FRMPD4: variants seen among roughly 807,000 people sequenced by gnomAD.
The protein encoded by FRMPD4 is FERM and PDZ domain-containing protein 4.
FRMPD4 carries 22 observed loss-of-function variants against 94.1 expected under a neutral mutation model. The observed-to-expected ratio is 0.23, with a 90% CI of 0.17 to 0.33. The LOEUF is 0.33. FRMPD4 is among the 10% of genes least tolerant of loss of function. The probability of loss-of-function intolerance (pLI) is 1.00; values close to 1 mark genes in which losing one functional copy is unlikely to be tolerated. For missense variants in FRMPD4, 1,111 were observed against 1,339.9 expected, an observed-to-expected ratio of 0.83 and a Z score of 2.67; for synonymous variants, 631 against 548.6, an observed-to-expected ratio of 1.15 and a Z score of -2.10.
intron 1 of FRMPD4, among the ~76,000 whole-genome samples, chrX:11,833,502 T>G (rs1461981536): frequency 8.9e-6 from 1 of 111,947 alleles, no homozygotes; most frequent in Non-Finnish European, 1.9e-5. Flanking sequence ...TCGTCACCAG[T>G]ATTTGATTTT....
At chrX:12,145,073 T>C (rs2055745023) in intron 1 of FRMPD4, among the ~76,000 whole-genome samples, 1 of 111,681 alleles carries the variant, frequency 9.0e-6, no homozygotes, top group Non-Finnish European at 1.9e-5. Context: ...TTTATAGGCT[T>C]CACAAGTTTT....
chrX:11,874,809 T>C (rs1040662207), intron 2 of FRMPD4, among the ~76,000 whole-genome samples: 6 of 111,593 alleles, frequency 5.4e-5, no homozygotes, highest in African/African-American at 2.0e-4. Context: ...TGAGGAAAGA[T>C]TGGTTTTGGT....
intron 3 of FRMPD4, among the ~76,000 whole-genome samples, chrX:11,972,664 G>A (rs929713345): frequency 1.8e-5 from 2 of 112,203 alleles, no homozygotes; most frequent in Non-Finnish European, 3.8e-5. Flanking sequence ...TTCCTCATCT[G>A]ACAAATGGGT....
At chrX:12,544,125 T>G (rs2058448960) in intron 2 of FRMPD4, among the ~76,000 whole-genome samples, 1 of 106,815 alleles carries the variant, frequency 9.4e-6, no homozygotes, top group African/African-American at 3.4e-5. Flanking sequence ...TTAGGAGATA[T>G]ACCTAATGTA....
intron 3 of FRMPD4, among the ~76,000 whole-genome samples, chrX:12,092,848 C>T (rs2055166019): frequency 9.0e-6 from 1 of 111,682 alleles, no homozygotes; most frequent in Admixed American, 9.5e-5. Context: ...TGGAAAGTAA[C>T]ATGCACTCTG....
intron 1 of FRMPD4, among the ~76,000 whole-genome samples, chrX:12,384,496 C>T (rs751681930): frequency 1.1e-4 from 12 of 110,650 alleles, no homozygotes; most frequent in East Asian, 2.8e-4. Context: ...CCAACCTGAG[C>T]GACAGAGCAA....
intron 1 of FRMPD4, among the ~76,000 whole-genome samples, chrX:12,426,885 T>TG (rs2056951956): frequency 1.9e-5 from 1 of 53,445 alleles, no homozygotes; most frequent in African/African-American, 5.2e-5. Context: ...AGTTTTTTTT[T>TG]GTTTTTTTTT....
At chrX:12,357,223 A>T (rs2055908176) in intron 1 of FRMPD4, among the ~76,000 whole-genome samples, 1 of 112,004 alleles carries the variant, frequency 8.9e-6, no homozygotes, top group African/African-American at 3.2e-5. Context: ...CATTGGCACA[A>T]ATTATTAATA....
rs189126108 is a variant in FRMPD4 at position 12,507,456 on chromosome X, C to T, written c.158+8660C>T. The stretch of plus-strand genomic sequence containing the variant: ...TTATTTACAAAAACAGACTGGGGGC[C>T]GGATGTGACCCATGAGCTATATAGT... On this transcript the variant is annotated intron_variant, in intron 2 of 16. Coordinates refer to ENST00000675598, the MANE Select transcript of FRMPD4 (RefSeq NM_001368397.1). 2.8e-3 allele frequency among the ~76,000 whole-genome samples: 314 copies of T among 111,924 alleles called. 2 individuals are homozygous for T. The highest frequency in any genetic ancestry group is 9.7e-3 in the African/African-American group (298 of 30,836).
intron 3 of FRMPD4, among the ~76,000 whole-genome samples, chrX:12,027,532 C>T (rs2054667497): frequency 9.0e-6 from 1 of 111,341 alleles, no homozygotes; most frequent in African/African-American, 3.3e-5. Context: ...TCAGGGAAGT[C>T]AATACTCATT....
chrX:11,856,141 G>C (rs1467744583), intron 1 of FRMPD4, among the ~76,000 whole-genome samples: 1 of 111,373 alleles, frequency 9.0e-6, no homozygotes, highest in Non-Finnish European at 1.9e-5. Context: ...GATCTCATGA[G>C]AACTAATTAT....
At chrX:12,524,167 A>G (rs996493439) in intron 2 of FRMPD4, among the ~76,000 whole-genome samples, 2 of 110,065 alleles carry the variant, frequency 1.8e-5, no homozygotes, top group Non-Finnish European at 3.8e-5. Flanking sequence ...TAATAACAAA[A>G]GAAAAAAAAG....
At chrX:12,367,652 C>G (rs1182231867) in intron 1 of FRMPD4, among the ~76,000 whole-genome samples, 1 of 110,785 alleles carries the variant, frequency 9.0e-6, no homozygotes, top group African/African-American at 3.3e-5. Context: ...TGGCAATAAC[C>G]ATGAGGGAAA....
chrX:12,412,953 AAATAAT>A (rs2056753170), intron 1 of FRMPD4, among the ~76,000 whole-genome samples: 1 of 110,402 alleles, frequency 9.1e-6, no homozygotes, highest in Admixed American at 9.6e-5. Flanking sequence ...TGGGTAGTAA[AAATAAT>A]AATACTGATA....
intron 4 of FRMPD4, among the ~76,000 whole-genome samples, chrX:12,668,842 T>C (rs1230309143): frequency 9.0e-6 from 1 of 110,873 alleles, no homozygotes; most frequent in Non-Finnish European, 1.9e-5. Flanking sequence ...TGACCTCAGG[T>C]GATCCACCCG....
At chrX:12,026,540 T>C (rs184621273) in intron 3 of FRMPD4, among the ~76,000 whole-genome samples, 17 of 112,495 alleles carry the variant, frequency 1.5e-4, no homozygotes, top group African/African-American at 5.2e-4. Context: ...TGAGGATCTT[T>C]CTTGATCCCA....
At chrX:12,716,001 T>TGGGGGCCCCCCCC in intron 14 of FRMPD4, 68 bp from the exon 15 acceptor site, 1 of 231,656 alleles carries the variant, frequency 4.3e-6, no homozygotes, top group Admixed American at 5.0e-5. Context: ...GAGACGAGCC[T>TGGGGGCCCCCCCC]CCCACCCCCG....
At chrX:11,959,778 T>A (rs753732339) in intron 3 of FRMPD4, among the ~76,000 whole-genome samples, 1 of 111,681 alleles carries the variant, frequency 9.0e-6, no homozygotes, top group East Asian at 2.8e-4. Context: ...TGTCAGCTTC[T>A]CAGGTTTCTC....
intron 2 of FRMPD4, among the ~76,000 whole-genome samples, chrX:12,539,763 A>G (rs1455875079): frequency 9.1e-6 from 1 of 110,441 alleles, no homozygotes; most frequent in East Asian, 2.8e-4. Flanking sequence ...CCTCCCTAGT[A>G]GCTGCGACTA....
Sources: gnomAD v4.1 joint callset for allele counts (sites outside exome capture counted in the v4.1 genomes callset) on GRCh38, gnomAD v4.1.1 for gene constraint, MANE v1.5 for transcripts, NCBI Gene and HGNC (gene_info 2026-07-23, HGNC 2026-07-21) for gene names.